CD163L1: variants seen among roughly 807,000 people sequenced by gnomAD.
CD163L1 encodes the protein scavenger receptor cysteine-rich type 1 protein M160.
Under a neutral mutation model 165.4 loss-of-function variants are expected in CD163L1, and 124 were observed. That is an observed-to-expected ratio of 0.75 (90% confidence interval 0.65 to 0.87). The LOEUF (loss-of-function observed/expected upper bound fraction) is 0.87, where lower values mean the gene tolerates loss of function less well. Among genes scored for constraint, CD163L1 ranks in the 40% least tolerant of loss-of-function variants. The probability of loss-of-function intolerance (pLI) is 0.00; values close to 1 mark genes in which losing one functional copy is unlikely to be tolerated. For missense variants in CD163L1, 1,525 were observed against 1,799.9 expected (o/e 0.85, Z 2.76); for synonymous variants, 585 against 662.2 (o/e 0.88, Z 1.79).
intron 5 of CD163L1, 57 bp from the exon 6 acceptor site, chr12:7,403,912 T>G: frequency 2.1e-6 from 3 of 1,433,316 alleles, no homozygotes; most frequent in Non-Finnish European, 2.9e-6. Context: ...ATCATCAGCA[T>G]CCCTCTCCTC....
intron 2 of CD163L1, chr12:7,439,232 C>T (rs1231639384): frequency 1.1e-5 from 17 of 1,578,496 alleles, no homozygotes; most frequent in Non-Finnish European, 1.5e-5. Flanking sequence ...GACAAATTTT[C>T]TTTTTTTGTT....
In CD163L1 at chr12:7,368,967, TGAGAGAGA is replaced by T. The variant is rs59576617; in HGVS notation, c.4040-10_4040-3del. Reference sequence around the variant, plus strand: ...CATTCAGTGATTTCAGCGACTGTCCTGAGAGAGAGAGAGAGAGAGAGAGACGTAAATGA... The same window carrying T: ...CATTCAGTGATTTCAGCGACTGTCCTGAGAGAGAGAGAGAGACGTAAATGA... On this transcript the variant is annotated splice_region_variant and splice_polypyrimidine_tract_variant and intron_variant, in intron 15 of 19. Coordinates refer to ENST00000313599, the MANE Select transcript of CD163L1 (RefSeq NM_174941.6). The surrounding 1 kb of genome is among the most constrained non-coding windows in gnomAD (Gnocchi z 4.3). 5.8e-6 allele frequency: 9 copies of T among 1,543,092 alleles called. No homozygotes were observed. In the African/African-American group the frequency reaches 1.1e-4, roughly 19 times the overall value.
In CD163L1 at chr12:7,375,714, C is replaced by T. The variant is rs762633770; in HGVS notation, c.2672G>A (p.Gly891Glu). Residue 891 changes from glycine (G) to glutamate (E), a missense_variant, in exon 10 of 20, where the codon GGA becomes GAA. Physicochemically the swap from Gly to Glu is moderately conservative, Grantham distance 98. Coordinates refer to ENST00000313599, the MANE Select transcript of CD163L1 (RefSeq NM_174941.6). ...AAAAATCTCACGGGAACAGACAACTCCAACTTCTCTGCTGTGGATACAAGT... is the reference window on the plus strand; with the variant it reads ...AAAAATCTCACGGGAACAGACAACTTCAACTTCTCTGCTGTGGATACAAGT... The part of the protein sequence containing the change: ...EDTCIHSREV[G>E]VVCSRYTDVR... 2 of 1,614,120 alleles carry T rather than the reference C, an allele frequency of 1.2e-6. No individual in the cohort carries two copies. The highest frequency in any genetic ancestry group is 3.3e-5 in the Admixed American group (2 of 60,024).
Position 7,408,076 on chromosome 12 carries a change from C to CATATAT in CD163L1, c.767-1230_767-1225dup, listed in dbSNP as rs34223603. Among the ~76,000 whole-genome samples, 4 of 142,950 alleles carry CATATAT rather than the reference C, an allele frequency of 2.8e-5. No individual in the cohort carries two copies. The East Asian group carries it at 6.3e-4, about 22-fold the overall frequency. 93.8% of individuals were successfully genotyped at this position (142,950 alleles called of 152,430 possible). A position where few individuals can be genotyped will look rare whatever the true frequency, so the allele number is the denominator to read the frequency against. On this transcript the variant is annotated intron_variant, in intron 4 of 19. Coordinates refer to ENST00000313599, the MANE Select transcript of CD163L1 (RefSeq NM_174941.6). ...TTACACTTAGCAAAACTGAACACTA[C>CATATAT]ATATATATATATATATATCATATAT...
At chr12:7,421,271 ATG>A (rs765145058) in intron 4 of CD163L1, among the ~76,000 whole-genome samples, 25 of 119,196 alleles carry the variant, frequency 2.1e-4, no homozygotes, top group Admixed American at 6.9e-4. Context: ...TATCTTCCAA[ATG>A]TGTGTATATA....
At chr12:7,402,362 A>G (rs11836027) in intron 6 of CD163L1, among the ~76,000 whole-genome samples, 1,891 of 152,144 alleles carry the variant, frequency 0.012, 46 homozygotes, top group African/African-American at 0.043. Flanking sequence ...ATCCACATAT[A>G]AGGTATTTGT....
chr12:7,340,597 T>C, the CD163L1 span, among the ~76,000 whole-genome samples: 1 of 152,182 alleles, frequency 6.6e-6, no homozygotes, highest in African/African-American at 2.4e-5. Context: ...CCTGCTATTG[T>C]TCCTGAGACT....
chr12:7,390,236 T>C (rs1947623523), intron 8 of CD163L1, among the ~76,000 whole-genome samples: 1 of 151,806 alleles, frequency 6.6e-6, no homozygotes. Context: ...GGTAGGTTAA[T>C]AGGTACAAAC....
At chr12:7,377,468 T>C (rs926637393) in intron 9 of CD163L1, among the ~76,000 whole-genome samples, 1 of 152,238 alleles carries the variant, frequency 6.6e-6, no homozygotes, top group Non-Finnish European at 1.5e-5. Context: ...CTGAAGATTA[T>C]ATTCCTTTTT....
the CD163L1 span, chr12:7,323,275 AG>A: frequency 3.1e-6 from 5 of 1,611,464 alleles, no homozygotes; most frequent in Non-Finnish European, 4.2e-6. Flanking sequence ...AAATTAAACC[AG>A]GTTCAATGGG....
intron 5 of CD163L1, among the ~76,000 whole-genome samples, chr12:7,404,323 C>T (rs1425838664): frequency 6.6e-6 from 1 of 151,966 alleles, no homozygotes; most frequent in African/African-American, 2.4e-5. Flanking sequence ...AAAAGGAATG[C>T]ACAATTAGCA....
In CD163L1 at chr12:7,444,081, A is replaced by T. The variant is rs200474505; in HGVS notation, c.31+16T>A. On this transcript the variant is annotated intron_variant, in intron 1 of 19. Coordinates refer to ENST00000313599, the MANE Select transcript of CD163L1 (RefSeq NM_174941.6). ...CATCTCCCAAATGGCAGAGCAAAAT[A>T]AAAGCAAAACCTTACCAATATGCCA... 1.2e-6 allele frequency: 2 copies of T among 1,613,596 alleles called. No individual in the cohort carries two copies. The highest frequency in any genetic ancestry group is 3.3e-5 in the Admixed American group (2 of 60,010).
the CD163L1 span, among the ~76,000 whole-genome samples, chr12:7,319,150 A>T: frequency 2.6e-5 from 4 of 152,210 alleles, no homozygotes; most frequent in Admixed American, 2.6e-4. Flanking sequence ...GATGGGAGAT[A>T]GTGACAGATC....
intron 8 of CD163L1, among the ~76,000 whole-genome samples, chr12:7,395,066 C>T (rs1947744033): frequency 6.6e-6 from 1 of 152,096 alleles, no homozygotes; most frequent in Non-Finnish European, 1.5e-5. Context: ...ACTAGAAATA[C>T]CATTTGACCC....
chr12:7,377,912 G>A (rs74056469), intron 9 of CD163L1, among the ~76,000 whole-genome samples: 16,984 of 152,026 alleles, frequency 0.11, 1,395 homozygotes, highest in African/African-American at 0.23. Flanking sequence ...TTTAGTTTCC[G>A]TCTACATATG....
At chr12:7,352,768 A>G (rs114188724), downstream of CD163L1, among the ~76,000 whole-genome samples, 340 of 152,276 alleles carry the variant, frequency 2.2e-3, 2 homozygotes, top group African/African-American at 8.0e-3. Flanking sequence ...TTAAGAGTCC[A>G]TAGATGTAGT....
Position 7,375,847 on chromosome 12 carries a change from C to A in CD163L1, c.2539G>T (p.Gly847Ter). The change falls in exon 10 of 20, where the codon GGA becomes TGA. Residue 847 changes from glycine to a stop codon, truncating the protein, a stop_gained. Transcript: ENST00000313599. LOFTEE classifies it high-confidence loss of function. ...NCGDAISLSV[G>*]DHFGKGNGLT... ...CCATTCCCTTTTCCAAAGTGATCTCCCACAGAAAGAGATATGGCATCTCCA... is the reference window on the plus strand; with the variant it reads ...CCATTCCCTTTTCCAAAGTGATCTCACACAGAAAGAGATATGGCATCTCCA... 6.2e-7 allele frequency: 1 copy of A among 1,614,188 alleles called. No individual in the cohort carries two copies. Among genetic ancestry groups the A allele is most frequent in the Non-Finnish European group, 8.5e-7 (1 of 1,180,038 alleles).
downstream of CD163L1, among the ~76,000 whole-genome samples, chr12:7,351,077 CTTAA>C (rs1565764666): frequency 6.6e-6 from 1 of 151,914 alleles, no homozygotes; most frequent in Non-Finnish European, 1.5e-5. Context: ...ATGCATTGAA[CTTAA>C]TTGTCATGTC....
chr12:7,399,184 TTTC>T (rs1947849289), intron 6 of CD163L1, among the ~76,000 whole-genome samples: 1 of 149,400 alleles, frequency 6.7e-6, no homozygotes, highest in Non-Finnish European at 1.5e-5. Context: ...CCCTCCCTCT[TTTC>T]TTTTCCTTTT....
Sources: allele counts gnomAD v4.1 joint callset (sites outside exome capture counted in the v4.1 genomes callset), GRCh38; gene constraint gnomAD v4.1.1; non-coding constraint Gnocchi (gnomAD v3.1); transcripts MANE v1.5; gene names NCBI Gene and HGNC (gene_info 2026-07-23, HGNC 2026-07-21).